Variants in AFAP1L1 observed in about 807,000 individuals in gnomAD.
AFAP1L1 encodes actin filament associated protein 1 like 1.
A neutral mutation model predicts 99.8 loss-of-function variants in AFAP1L1; 77 were observed. That is an observed-to-expected ratio of 0.77 (90% CI 0.64 to 0.93). The LOEUF is 0.93. AFAP1L1 is among the 40% of genes least tolerant of loss of function. The pLI is 0.00. For missense variants in AFAP1L1, 893 were observed against 996.8 expected (o/e 0.90, Z 1.40); for synonymous variants, 373 against 395.3 (o/e 0.94, Z 0.67).
At chr5:149,281,707 A>G (rs1406120158) in intron 1 of AFAP1L1, among the ~76,000 whole-genome samples, 1 of 151,808 alleles carries the variant, frequency 6.6e-6, no homozygotes, top group Non-Finnish European at 1.5e-5. Flanking sequence ...ACTCACCTCC[A>G]TACCTGAGTT....
chr5:149,312,999 T>C (rs1756683595), intron 9 of AFAP1L1, among the ~76,000 whole-genome samples: 1 of 151,738 alleles, frequency 6.6e-6, no homozygotes, highest in South Asian at 2.1e-4. Flanking sequence ...TGGTGGCACA[T>C]GCCTGTAATC....
At chr5:149,333,822 G>A (rs1280640765) in intron 17 of AFAP1L1, among the ~76,000 whole-genome samples, 1 of 152,142 alleles carries the variant, frequency 6.6e-6, no homozygotes, top group Non-Finnish European at 1.5e-5. Flanking sequence ...TCCCTCGGGA[G>A]AGCAAAAAAC....
At chr5:149,297,219 A>C (rs749187755) in intron 1 of AFAP1L1, among the ~76,000 whole-genome samples, 1 of 152,332 alleles carries the variant, frequency 6.6e-6, no homozygotes, top group East Asian at 1.9e-4. Context: ...AGAGGGAAAC[A>C]TATTCATCCA....
At chr5:149,329,883 GGTACA>G (rs1310253684) in intron 16 of AFAP1L1, 53 bp downstream of exon 16, 23 of 1,496,776 alleles carry the variant, frequency 1.5e-5, no homozygotes, top group Non-Finnish European at 2.0e-5. Context: ...CTCATCCTTG[GGTACA>G]GTAAAGGGAG....
At chr5:149,291,475 G>A (rs1456756170) in intron 1 of AFAP1L1, among the ~76,000 whole-genome samples, 5 of 126,514 alleles carry the variant, frequency 4.0e-5, no homozygotes, top group African/African-American at 9.1e-5. Context: ...GCAGTGAGCC[G>A]AGATCGCACC....
chr5:149,278,190 G>A (rs1217822864), intron 1 of AFAP1L1, among the ~76,000 whole-genome samples: 1 of 152,068 alleles, frequency 6.6e-6, no homozygotes, highest in African/African-American at 2.4e-5. Context: ...ACAAAAAAGT[G>A]AACCCATCTG....
chr5:149,297,985 G>T (rs972247063), intron 1 of AFAP1L1, among the ~76,000 whole-genome samples: 1 of 152,252 alleles, frequency 6.6e-6, no homozygotes, highest in African/African-American at 2.4e-5. Flanking sequence ...TATGAGGCAG[G>T]TGCTGTTATT....
chr5:149,294,288 G>A (rs1044154279), intron 1 of AFAP1L1, among the ~76,000 whole-genome samples: 7 of 152,168 alleles, frequency 4.6e-5, no homozygotes, highest in African/African-American at 1.7e-4. Flanking sequence ...CGCTGGAGGA[G>A]TCTTTTCTTA....
chr5:149,287,728 A>G (rs78943636), intron 1 of AFAP1L1, among the ~76,000 whole-genome samples: 12 of 149,160 alleles, frequency 8.0e-5, no homozygotes, highest in Non-Finnish European at 5.9e-5. Context: ...GACTACAGAC[A>G]TGAGGGTTTT....
chr5:149,312,142 G>A lies in AFAP1L1; in HGVS notation c.958G>A (p.Gly320Arg). Residue 320 changes from glycine (G) to arginine (R), a missense_variant, in exon 9 of 19, where the codon GGA becomes AGA. Physicochemically the swap from Gly to Arg is moderately radical, Grantham distance 125 (BLOSUM62 -2). Coordinates refer to ENST00000296721, the MANE Select transcript of AFAP1L1 (RefSeq NM_152406.4). ...VIREVSKPVG[G>R]AEGVEVPRSP... ...CCGAGAAGTGAGCAAGCCAGTTGGG[G>A]GAGCTGAGGGAGTGGAGGTCCCCAG... 1.2e-6 allele frequency: 2 copies of A among 1,614,030 alleles called. No homozygotes were observed. The highest frequency in any genetic ancestry group is 1.7e-6 in the Non-Finnish European group (2 of 1,180,018).
At chr5:149,298,271 A>T (rs1487462550) in intron 1 of AFAP1L1, among the ~76,000 whole-genome samples, 1 of 152,216 alleles carries the variant, frequency 6.6e-6, no homozygotes, top group Non-Finnish European at 1.5e-5. Flanking sequence ...TGTAACTTCA[A>T]GCAAGTTATT....
At chr5:149,287,841 C>G (rs1755732792) in intron 1 of AFAP1L1, among the ~76,000 whole-genome samples, 1 of 151,868 alleles carries the variant, frequency 6.6e-6, no homozygotes, top group South Asian at 2.1e-4. Context: ...CTCAGCCTCC[C>G]AAAGTGCTGG....
chr5:149,279,911 C>T (rs1404431871), intron 1 of AFAP1L1, among the ~76,000 whole-genome samples: 1 of 152,228 alleles, frequency 6.6e-6, no homozygotes, highest in Non-Finnish European at 1.5e-5. Flanking sequence ...TCAGAGCACC[C>T]TGCACTTCTC....
intron 1 of AFAP1L1, among the ~76,000 whole-genome samples, chr5:149,281,145 G>C (rs1042070397): frequency 4.6e-5 from 7 of 152,046 alleles, no homozygotes; most frequent in East Asian, 1.9e-4. Context: ...CATTCACGGT[G>C]GGGGGGTTGC....
At chr5:149,337,777 T>C (rs1757446395) in intron 18 of AFAP1L1, among the ~76,000 whole-genome samples, 1 of 151,896 alleles carries the variant, frequency 6.6e-6, no homozygotes, top group Non-Finnish European at 1.5e-5. Flanking sequence ...TATATATACA[T>C]ATATATAGAA....
At chr5:149,321,467 C>T (rs768413469) in intron 14 of AFAP1L1, among the ~76,000 whole-genome samples, 1 of 152,132 alleles carries the variant, frequency 6.6e-6, no homozygotes, top group Non-Finnish European at 1.5e-5. Context: ...TGGCTCATGC[C>T]TATAATCCCA....
chr5:149,323,370 T>TA (rs1757008857), intron 15 of AFAP1L1, among the ~76,000 whole-genome samples: 3 of 152,236 alleles, frequency 2.0e-5, no homozygotes, highest in South Asian at 4.1e-4. Flanking sequence ...CACTGCACAA[T>TA]AATGACTAAG....
chr5:149,321,713 ACT>A (rs1301857148), intron 14 of AFAP1L1, among the ~76,000 whole-genome samples: 1 of 120,430 alleles, frequency 8.3e-6, no homozygotes, highest in East Asian at 2.3e-4. Flanking sequence ...ACAGAGCGAG[ACT>A]CTGTCTCAAA....
chr5:149,275,745 A>G (rs765350122), intron 1 of AFAP1L1, among the ~76,000 whole-genome samples: 15 of 152,130 alleles, frequency 9.9e-5, no homozygotes, highest in Non-Finnish European at 2.2e-4. Flanking sequence ...TGACCTCGTG[A>G]TCCACCCGCC....
Sources: allele counts gnomAD v4.1 joint callset (sites outside exome capture counted in the v4.1 genomes callset), GRCh38; gene constraint gnomAD v4.1.1; transcripts MANE v1.5; gene names NCBI Gene and HGNC (gene_info 2026-07-23, HGNC 2026-07-21).